The following ZRANB3 variants were observed in gnomAD, a reference collection of about 807,000 sequenced individuals.
ZRANB3 encodes DNA annealing helicase and endonuclease ZRANB3.
In ZRANB3, 125 loss-of-function variants were observed where a neutral mutation model predicts 133.8. The observed-to-expected ratio is 0.93, with a 90% confidence interval of 0.81 to 1.08. ZRANB3 has a LOEUF of 1.08. Among genes scored for constraint, ZRANB3 ranks in the 50% least tolerant of loss-of-function variants. The pLI is 0.00. For missense variants in ZRANB3, 1,229 were observed against 1,275.5 expected (o/e 0.96, Z 0.56); for synonymous variants, 387 against 432.7 (o/e 0.89, Z 1.31).
intron 3 of ZRANB3, among the ~76,000 whole-genome samples, chr2:135,377,021 T>C (rs1388839349): frequency 3.3e-5 from 5 of 152,160 alleles, no homozygotes; most frequent in Admixed American, 6.5e-5. Context: ...GAACTGTACA[T>C]TACACCATGC....
At chr2:135,526,701 A>G (rs1694177333) in intron 1 of ZRANB3, among the ~76,000 whole-genome samples, 1 of 152,216 alleles carries the variant, frequency 6.6e-6, no homozygotes, top group South Asian at 2.1e-4. Flanking sequence ...CATATTCTAT[A>G]GTGAATCCCC....
intron 2 of ZRANB3, among the ~76,000 whole-genome samples, chr2:135,414,867 C>T (rs571842829): frequency 6.6e-6 from 1 of 152,164 alleles, no homozygotes; most frequent in East Asian, 1.9e-4. Flanking sequence ...GGGTATATAA[C>T]AAAATGAAGG....
chr2:135,519,114 G>A (rs1372870274), intron 1 of ZRANB3, among the ~76,000 whole-genome samples: 1 of 152,172 alleles, frequency 6.6e-6, no homozygotes, highest in African/African-American at 2.4e-5. Flanking sequence ...TTAGTGGTTA[G>A]GTTGGGGTGG....
chr2:135,218,856 C>T lies in ZRANB3; in HGVS notation c.2352+221G>A, dbSNP rs542479336. On this transcript the variant is annotated intron_variant, in intron 16 of 20. Transcript: ENST00000264159. ...ATGATTCTATCCACAGAAACAGCAA[C>T]TGTAGGTGTGATCATTTGCCAAGGA... Among the ~76,000 whole-genome samples, 121 of 152,208 alleles carry T rather than the reference C, an allele frequency of 7.9e-4. 1 individual carries two copies. The highest frequency in any genetic ancestry group is 2.6e-3 in the African/African-American group (107 of 41,548).
chr2:135,243,242 G>A (rs897967359), intron 12 of ZRANB3, among the ~76,000 whole-genome samples: 4 of 152,204 alleles, frequency 2.6e-5, no homozygotes, highest in Admixed American at 2.0e-4. Flanking sequence ...GAGGCTGGGC[G>A]CGGTGGCTCA....
intron 3 of ZRANB3, among the ~76,000 whole-genome samples, chr2:135,376,241 C>T (rs1245583433): frequency 1.3e-5 from 2 of 152,180 alleles, no homozygotes; most frequent in South Asian, 2.1e-4. Context: ...GACTTCTAGC[C>T]TCGAGCTATG....
chr2:135,502,010 A>T (rs1692971103), intron 2 of ZRANB3, among the ~76,000 whole-genome samples: 1 of 152,154 alleles, frequency 6.6e-6, no homozygotes, highest in Admixed American at 6.6e-5. Context: ...CCACCTTCAA[A>T]GTGCTAAGAA....
At chr2:135,381,809 A>G (rs767915831) in intron 3 of ZRANB3, among the ~76,000 whole-genome samples, 22 of 152,216 alleles carry the variant, frequency 1.4e-4, no homozygotes, top group Admixed American at 3.3e-4. Flanking sequence ...AAACTAACAA[A>G]CAGAAAGGAC....
At chr2:135,272,365 T>TA (rs967651513) in intron 9 of ZRANB3, among the ~76,000 whole-genome samples, 7 of 150,460 alleles carry the variant, frequency 4.7e-5, no homozygotes, top group African/African-American at 1.7e-4. Context: ...TCATGAAGAG[T>TA]AGTACATTTA....
At chr2:135,316,695 C>T (rs1031121723) in intron 6 of ZRANB3, among the ~76,000 whole-genome samples, 14 of 152,160 alleles carry the variant, frequency 9.2e-5, no homozygotes, top group African/African-American at 2.6e-4. Flanking sequence ...TAGCCGGGCA[C>T]GGTGGCTCAC....
chr2:135,240,211 G>A (rs182813382), intron 12 of ZRANB3, among the ~76,000 whole-genome samples: 19 of 152,140 alleles, frequency 1.2e-4, no homozygotes, highest in Middle Eastern at 3.4e-3. Context: ...GCATGGTGGC[G>A]TGCGCCTGTA....
chr2:135,502,742 G>A (rs575563683), intron 2 of ZRANB3, among the ~76,000 whole-genome samples: 2 of 152,170 alleles, frequency 1.3e-5, no homozygotes, highest in East Asian at 1.9e-4. Context: ...TCTGAGGACC[G>A]TTAACACTGT....
intron 12 of ZRANB3, among the ~76,000 whole-genome samples, chr2:135,237,226 CA>C (rs1695331316): frequency 6.6e-6 from 1 of 150,918 alleles, no homozygotes; most frequent in African/African-American, 2.4e-5. Flanking sequence ...AAATGCAAAT[CA>C]AAACCACAAT....
chr2:135,417,062 T>G (rs2104963038), intron 2 of ZRANB3, among the ~76,000 whole-genome samples: 1 of 152,242 alleles, frequency 6.6e-6, no homozygotes, highest in East Asian at 1.9e-4. Flanking sequence ...AAGGACTTCA[T>G]GACTAAAACA....
intron 17 of ZRANB3, among the ~76,000 whole-genome samples, chr2:135,216,478 T>C (rs1250269108): frequency 1.3e-5 from 2 of 152,196 alleles, no homozygotes; most frequent in African/African-American, 4.8e-5. Context: ...CTTACTCTGT[T>C]GCCCAGGCTG....
intron 3 of ZRANB3, among the ~76,000 whole-genome samples, chr2:135,380,357 T>C (rs1686635659): frequency 6.6e-6 from 1 of 152,188 alleles, no homozygotes; most frequent in South Asian, 2.1e-4. Context: ...CAACAGAATA[T>C]ACATTCTTCT....
At chr2:135,407,008 A>T (rs1472422239) in intron 2 of ZRANB3, among the ~76,000 whole-genome samples, 1 of 152,224 alleles carries the variant, frequency 6.6e-6, no homozygotes, top group Non-Finnish European at 1.5e-5. Flanking sequence ...AGGGTATTCA[A>T]TTAGGAAAAG....
At chr2:135,261,500 A>G (rs1461750138) in intron 12 of ZRANB3, among the ~76,000 whole-genome samples, 1 of 152,198 alleles carries the variant, frequency 6.6e-6, no homozygotes, top group Non-Finnish European at 1.5e-5. Context: ...TAAGATTCCA[A>G]TTTACATCAA....
At chr2:135,306,542 T>C (rs1211104655) in intron 8 of ZRANB3, among the ~76,000 whole-genome samples, 1 of 151,028 alleles carries the variant, frequency 6.6e-6, no homozygotes, top group East Asian at 1.9e-4. Flanking sequence ...TCCACCCGTC[T>C]CGGCCTCCCA....
Sources: gnomAD v4.1 joint callset for allele counts (sites outside exome capture counted in the v4.1 genomes callset) on GRCh38, gnomAD v4.1.1 for gene constraint, MANE v1.5 for transcripts, NCBI Gene and HGNC (gene_info 2026-07-23, HGNC 2026-07-21) for gene names.